SAMD4A: variants seen among roughly 807,000 people sequenced by gnomAD.
SAMD4A encodes the protein sterile alpha motif domain containing 4A, also known as protein Smaug homolog 1.
SAMD4A carries 33 observed loss-of-function variants against 81.3 expected under a neutral mutation model. The observed-to-expected ratio is 0.41, with a 90% confidence interval of 0.31 to 0.54. The LOEUF is 0.54. SAMD4A is among the 20% of genes least tolerant of loss of function. SAMD4A has a pLI of 0.37. For missense variants in SAMD4A, 854 were observed against 951.1 expected, an observed-to-expected ratio of 0.90 and a Z score of 1.34; for synonymous variants, 389 against 382.1, an observed-to-expected ratio of 1.02 and a Z score of -0.21.
chr14:54,784,708 G>C (rs778670428), intron 12 of SAMD4A, 88 bp downstream of exon 12: 7 of 1,216,218 alleles, frequency 5.8e-6, no homozygotes, highest in East Asian at 4.7e-5. Context: ...CGTGGCAGGA[G>C]CTCAGGAGAA....
chr14:54,614,345 T>C (rs1378706685), intron 2 of SAMD4A, among the ~76,000 whole-genome samples: 2 of 152,242 alleles, frequency 1.3e-5, no homozygotes, highest in African/African-American at 2.4e-5. Context: ...ATCTCAGTTA[T>C]AATCCACATA....
At chr14:54,776,848 CATGTGTAGT>C (rs995654294) in intron 11 of SAMD4A, among the ~76,000 whole-genome samples, 36 of 120,398 alleles carry the variant, frequency 3.0e-4, no homozygotes, top group African/African-American at 1.1e-3. Flanking sequence ...GGGAGGGCTC[CATGTGTAGT>C]GTGTGTGTGT....
intron 2 of SAMD4A, among the ~76,000 whole-genome samples, chr14:54,579,803 C>T (rs2033413664): frequency 6.6e-6 from 1 of 152,168 alleles, no homozygotes; most frequent in Admixed American, 6.5e-5. Context: ...GAAAGGAAAG[C>T]CTAAGGAATG....
chr14:54,722,776 G>A (rs1442597460), intron 3 of SAMD4A, among the ~76,000 whole-genome samples: 1 of 152,124 alleles, frequency 6.6e-6, no homozygotes, highest in Non-Finnish European at 1.5e-5. Context: ...AAATACATGA[G>A]GGAGACAAAT....
chr14:54,591,196 G>A (rs2033764889), intron 2 of SAMD4A, among the ~76,000 whole-genome samples: 1 of 152,206 alleles, frequency 6.6e-6, no homozygotes, highest in African/African-American at 2.4e-5. Flanking sequence ...TGATGGTGGT[G>A]CCCCTAGTGA....
intron 2 of SAMD4A, among the ~76,000 whole-genome samples, chr14:54,688,735 G>T (rs1198117780): frequency 6.6e-6 from 1 of 151,934 alleles, no homozygotes; most frequent in African/African-American, 2.4e-5. Flanking sequence ...CTTCCTCCTA[G>T]CCTTTCTCCT....
rs1296291870 is a variant in SAMD4A, at chr14:54,695,025, CT to C, written c.197-7035del. On this transcript the variant is annotated intron_variant, in intron 2 of 12. Transcript: ENST00000554335. ...CTTTGAATGACCAGCACCTGATGACCTTCTGCTGTCAGAAAAGACTGGAATG... is the reference window on the plus strand; with the variant it reads ...CTTTGAATGACCAGCACCTGATGACCTCTGCTGTCAGAAAAGACTGGAATG... The C allele has an allele frequency of 9.1e-6, 5 of 548,570 alleles. No individual in the cohort carries two copies. The African/African-American group carries it at 1.0e-4, about 11-fold the overall frequency. 34.0% of individuals were successfully genotyped at this position (548,570 alleles called of 1,614,324 possible). A position where few individuals can be genotyped will look rare whatever the true frequency, so the allele number is the denominator to read the frequency against.
chr14:54,722,527 G>A (rs1471960819), intron 3 of SAMD4A, among the ~76,000 whole-genome samples: 2 of 152,070 alleles, frequency 1.3e-5, no homozygotes, highest in Admixed American at 6.5e-5. Flanking sequence ...ATACTGATAC[G>A]AAAACTAATG....
At chr14:54,688,122 G>T (rs367642230) in intron 2 of SAMD4A, 65 of 985,356 alleles carry the variant, frequency 6.6e-5, no homozygotes, top group Non-Finnish European at 7.6e-5. Flanking sequence ...ACTGTAATGT[G>T]CTCAGCTCCG....
chr14:54,611,844 T>G (rs2034364076), intron 2 of SAMD4A, among the ~76,000 whole-genome samples: 1 of 151,286 alleles, frequency 6.6e-6, no homozygotes, highest in Non-Finnish European at 1.5e-5. Flanking sequence ...GCCACTGCAT[T>G]TCAGCCTGGG....
chr14:54,762,282 G>C (rs1470578738), intron 7 of SAMD4A, among the ~76,000 whole-genome samples: 1 of 152,186 alleles, frequency 6.6e-6, no homozygotes, highest in African/African-American at 2.4e-5. Context: ...ATGTGGCAAT[G>C]CCAGCACTTT....
intron 2 of SAMD4A, among the ~76,000 whole-genome samples, chr14:54,614,481 A>G (rs992478141): frequency 2.0e-5 from 3 of 152,220 alleles, no homozygotes; most frequent in African/African-American, 7.2e-5. Context: ...TGTTTGTTTA[A>G]TGACACGAAT....
intron 2 of SAMD4A, among the ~76,000 whole-genome samples, chr14:54,683,022 T>C (rs2036166340): frequency 6.6e-6 from 1 of 152,166 alleles, no homozygotes; most frequent in Non-Finnish European, 1.5e-5. Flanking sequence ...CCTGGGAAGC[T>C]GAGTGCCCCA....
chr14:54,605,013 C>A (rs2034161606), intron 2 of SAMD4A, among the ~76,000 whole-genome samples: 1 of 152,188 alleles, frequency 6.6e-6, no homozygotes, highest in South Asian at 2.1e-4. Context: ...TGCTCAAACT[C>A]CTTTCAGATT....
chr14:54,592,454 A>G (rs2033803594), intron 2 of SAMD4A, among the ~76,000 whole-genome samples: 1 of 151,594 alleles, frequency 6.6e-6, no homozygotes. Flanking sequence ...TTGTTAACAC[A>G]TTTTTTTTCT....
intron 3 of SAMD4A, chr14:54,703,513 G>T (rs1268261338): frequency 2.6e-5 from 4 of 152,148 alleles, no homozygotes; most frequent in African/African-American, 9.7e-5. Flanking sequence ...GAATGCTTTT[G>T]CAATTAGACC....
intron 11 of SAMD4A, among the ~76,000 whole-genome samples, chr14:54,783,157 TAA>T (rs368455274): frequency 4.8e-4 from 68 of 140,562 alleles, no homozygotes; most frequent in African/African-American, 1.6e-3. Context: ...CACAAAACTT[TAA>T]AAAAAAAAAA....
At position 54,737,066 on chromosome 14, in the gene SAMD4A, T is replaced by C. The variant is rs1037419680; in HGVS notation, c.758T>C (p.Val253Ala). The C allele has an allele frequency of 3.1e-6, 5 of 1,614,000 alleles. No individual in the cohort carries two copies. Among genetic ancestry groups the C allele is most frequent in the Admixed American group, 3.3e-5 (2 of 60,000 alleles). Residue 253 changes from valine (V) to alanine (A), a missense_variant, in exon 4 of 13, where the codon GTG becomes GCG. Physicochemically the swap from Val to Ala is moderately conservative, Grantham distance 64 (BLOSUM62 0). This residue lies in a region of SAMD4A where 387 missense variants were observed against 405.8 expected (regional missense o/e 0.95). Coordinates refer to ENST00000554335, the MANE Select transcript of SAMD4A (RefSeq NM_015589.6). ...QAHHSPLKRS[V>A]SLTPPMNVPN... ...CACCACAGCCCTTTGAAACGATCTG[T>C]GTCCCTTACCCCACCCATGAATGTG...
intron 2 of SAMD4A, among the ~76,000 whole-genome samples, chr14:54,645,831 GA>G (rs1205819874): frequency 5.9e-5 from 9 of 152,164 alleles, no homozygotes; most frequent in African/African-American, 2.2e-4. Flanking sequence ...GTTATGTCTT[GA>G]AAAACATCTG....
Sources: allele counts gnomAD v4.1 joint callset (sites outside exome capture counted in the v4.1 genomes callset), GRCh38; gene constraint gnomAD v4.1.1; regional missense constraint gnomAD v4.1.1; transcripts MANE v1.5; gene names NCBI Gene and HGNC (gene_info 2026-07-23, HGNC 2026-07-21).